Variants in ERCC1 observed in about 807,000 individuals in gnomAD.
The protein encoded by ERCC1 is ERCC excision repair 1, endonuclease non-catalytic subunit.
A neutral mutation model predicts 37.6 loss-of-function variants in ERCC1; 36 were observed. The observed-to-expected ratio is 0.96, with a 90% CI of 0.73 to 1.26. The LOEUF is 1.26. Among genes scored for constraint, ERCC1 ranks in the 50% most tolerant of loss-of-function variants. The pLI is 0.00. For synonymous variants in ERCC1, 156 were observed against 162.1 expected, an observed-to-expected ratio of 0.96 and a Z score of 0.28; for missense variants, 349 against 376.5, an observed-to-expected ratio of 0.93 and a Z score of 0.60.
chr19:45,433,388 T>C (rs1269502504), intron 1 of ERCC1, among the ~76,000 whole-genome samples: 1 of 151,658 alleles, frequency 6.6e-6, no homozygotes, highest in Non-Finnish European at 1.5e-5. Context: ...TAGCCAGGCG[T>C]GGTGGCATGT....
At chr19:45,409,971 A>T (rs982471978) in intron 9 of ERCC1, 1 of 177,168 alleles carries the variant, frequency 5.6e-6, no homozygotes, top group Non-Finnish European at 1.1e-5. Context: ...GGCTCACTGC[A>T]AGCTCCGCCT....
At position 45,420,526 on chromosome 19, in the gene ERCC1, C is replaced by A; in HGVS notation, c.322-99G>T. ...TCTTGCACCTCCTCCCTCCTCCCAC[C>A]TCTTCCCACACCTCCTGCCTCCTCG... On this transcript the variant is annotated intron_variant, in intron 3 of 9. Transcript: ENST00000300853. The surrounding 1 kb of genome is among the most constrained non-coding windows in gnomAD (Gnocchi z 4.8). 1 of 758,810 alleles carries A rather than the reference C, an allele frequency of 1.3e-6. No homozygotes were observed. The highest frequency in any genetic ancestry group is 2.3e-6 in the Non-Finnish European group (1 of 429,054). The allele number at this position is 758,810 out of a possible 1,614,324, so 47.0% of individuals were successfully genotyped here.
chr19:45,438,301 C>G (rs1288903749), intron 1 of ERCC1, among the ~76,000 whole-genome samples: 2 of 152,162 alleles, frequency 1.3e-5, no homozygotes, highest in Non-Finnish European at 2.9e-5. Context: ...CTCCTGGGCT[C>G]AAGCCATCCT....
chr19:45,447,379 G>A (rs2123621739), intron 1 of ERCC1, among the ~76,000 whole-genome samples: 1 of 149,290 alleles, frequency 6.7e-6, no homozygotes, highest in African/African-American at 2.5e-5. Context: ...AGGTTCAAGC[G>A]ATTCTCCTGC....
rs1242122738 is a variant in ERCC1, at chr19:45,420,733, A to C, written c.322-306T>G. Among the ~76,000 whole-genome samples the C allele has an allele frequency of 6.6e-6, 1 of 151,968 alleles. No homozygotes were observed. The highest frequency in any genetic ancestry group is 1.5e-5 in the Non-Finnish European group (1 of 67,992). On this transcript the variant is annotated intron_variant, in intron 3 of 9. Transcript: ENST00000300853. The surrounding 1 kb of genome is among the most constrained non-coding windows in gnomAD (Gnocchi z 4.8). ...GTCTCCAGCTCAGCCCTCTCCCTCC[A>C]GCCCCAGTCTGCGTGTCCTGTGGTC...
At chr19:45,431,557 A>T (rs544251009) in intron 1 of ERCC1, among the ~76,000 whole-genome samples, 1 of 152,208 alleles carries the variant, frequency 6.6e-6, no homozygotes, top group South Asian at 2.1e-4. Flanking sequence ...CACGCCTGTA[A>T]TCCCAGCTAC....
intron 1 of ERCC1, among the ~76,000 whole-genome samples, chr19:45,439,003 C>G (rs1400822696): frequency 6.6e-6 from 1 of 151,932 alleles, no homozygotes; most frequent in Non-Finnish European, 1.5e-5. Flanking sequence ...TCTGTTCTTC[C>G]TCTCCCAACC....
upstream of ERCC1, chr19:45,424,106 G>T: frequency 9.8e-7 from 1 of 1,017,964 alleles, no homozygotes; most frequent in Non-Finnish European, 1.2e-6. Context: ...TCCTGGCAGG[G>T]CTCAGTGGAG....
At chr19:45,442,219 G>A (rs1975138668) in intron 1 of ERCC1, among the ~76,000 whole-genome samples, 1 of 151,488 alleles carries the variant, frequency 6.6e-6, no homozygotes, top group Non-Finnish European at 1.5e-5. Context: ...AGGAGGCTGA[G>A]GTGGGTGGGA....
Position 45,420,395 on chromosome 19 carries a change from A to G in ERCC1, c.354T>C (p.Asn118=), listed in dbSNP as rs11615. The change falls in exon 4 of 10, where the codon AAT becomes AAC. Residue 118 remains asparagine (N), a synonymous_variant. Transcript: ENST00000300853. The surrounding 1 kb of genome is among the most constrained non-coding windows in gnomAD (Gnocchi z 4.8). ...RGNPVLKFVR[N]VPWEFGDVIP... is the part of the protein sequence containing the mutation. ...TTACGTCGCCAAATTCCCAGGGCAC[A>G]TTGCGCACGAACTTCAGTACGGGAT... The G allele has an allele frequency of 0.43, 690,066 of 1,611,696 alleles. 163,063 individuals carry two copies. The highest frequency in any genetic ancestry group is 0.88 in the African/African-American group (66,190 of 74,950).
chr19:45,433,622 A>G (rs1357417613), intron 1 of ERCC1, among the ~76,000 whole-genome samples: 1 of 151,414 alleles, frequency 6.6e-6, no homozygotes. Flanking sequence ...CGGGAGACAG[A>G]GGTTGCAGTG....
chr19:45,422,312 A>G (rs10408072), intron 2 of ERCC1, among the ~76,000 whole-genome samples: 16,098 of 151,906 alleles, frequency 0.11, 2,860 homozygotes, highest in African/African-American at 0.37. Flanking sequence ...CAGCCCCACC[A>G]GACTTCGTTC....
chr19:45,441,138 T>C (rs59936341), intron 1 of ERCC1, among the ~76,000 whole-genome samples: 1 of 152,330 alleles, frequency 6.6e-6, no homozygotes, highest in African/African-American at 2.4e-5. Context: ...GGCCTAGGTC[T>C]TCCCTTTGCA....
chr19:45,413,996 T>G lies in ERCC1; in HGVS notation c.741A>C (p.Lys247Asn), dbSNP rs766754783. The G allele has an allele frequency of 6.2e-7, 1 of 1,613,762 alleles. No homozygotes were observed. The highest frequency in any genetic ancestry group is 1.7e-5 in the Admixed American group (1 of 59,998). The stretch of plus-strand genomic sequence containing the variant: ...TGGTCAGGAGGGTCTGACTGTCCGT[T>G]TTGTTGACTGACTTCACGGTGGTCA... ...ECLTTVKSVN[K>N]TDSQTLLTTF... The change falls in exon 8 of 10, where the codon AAA (lysine) becomes AAC (asparagine). Residue 247 changes from lysine (K) to asparagine (N), a missense_variant. By Grantham distance (94) the Lys-to-Asn change is moderately conservative. Coordinates refer to ENST00000300853, the MANE Select transcript of ERCC1 (RefSeq NM_001983.4).
At chr19:45,444,092 C>A (rs970708990) in intron 1 of ERCC1, among the ~76,000 whole-genome samples, 1 of 150,144 alleles carries the variant, frequency 6.7e-6, no homozygotes, top group African/African-American at 2.5e-5. Context: ...CGGGCTCCCC[C>A]AAGCTTTCCT....
chr19:45,440,634 G>A (rs1430617754), intron 1 of ERCC1, among the ~76,000 whole-genome samples: 1 of 152,178 alleles, frequency 6.6e-6, no homozygotes, highest in Admixed American at 6.5e-5. Context: ...AAGGATGACC[G>A]TCTTTGTCAC....
intron 2 of ERCC1, among the ~76,000 whole-genome samples, chr19:45,422,065 T>C (rs58106854): frequency 0.18 from 26,911 of 151,808 alleles, 2,701 homozygotes; most frequent in East Asian, 0.44. Context: ...CCACCAGCGT[T>C]TCACCCTTGG....
At chr19:45,423,465 C>A (rs1180903957) in intron 1 of ERCC1, 84 bp from the exon 2 acceptor site, 3 of 1,527,562 alleles carry the variant, frequency 2.0e-6, no homozygotes, top group Non-Finnish European at 2.6e-6. Flanking sequence ...TCACAGCCGT[C>A]CCCCACAAAA....
intron 1 of ERCC1, chr19:45,429,209 T>G (rs1974776384): frequency 6.6e-6 from 1 of 152,216 alleles, no homozygotes; most frequent in Non-Finnish European, 1.5e-5. Flanking sequence ...GCCTGTAATC[T>G]CAGCACTTTG....
Sources: allele counts gnomAD v4.1 joint callset (sites outside exome capture counted in the v4.1 genomes callset), GRCh38; gene constraint gnomAD v4.1.1; non-coding constraint Gnocchi (gnomAD v3.1); transcripts MANE v1.5; gene names NCBI Gene and HGNC (gene_info 2026-07-23, HGNC 2026-07-21).